The following CDH13 variants were observed in gnomAD, a reference collection of about 807,000 sequenced individuals.
CDH13 encodes cadherin-13.
CDH13 carries 24 observed loss-of-function variants against 63.8 expected under a neutral mutation model. The observed-to-expected ratio is 0.38, with a 90% CI of 0.27 to 0.53. The LOEUF (loss-of-function observed/expected upper bound fraction) is 0.53, where lower values mean the gene tolerates loss of function less well. Among genes scored for constraint, CDH13 ranks in the 20% least tolerant of loss-of-function variants. The pLI, the probability that CDH13 is intolerant of heterozygous loss-of-function variation, is 0.85. For synonymous variants in CDH13, 503 were observed against 355.3 expected (o/e 1.42, Z -4.67); for missense variants, 1,049 against 903.1 (o/e 1.16, Z -2.07).
chr16:83,671,866 G>T (rs1054439196), intron 9 of CDH13, among the ~76,000 whole-genome samples: 1 of 152,232 alleles, frequency 6.6e-6, no homozygotes, highest in Non-Finnish European at 1.5e-5. Context: ...ATTAGTGGGG[G>T]TGGTAGCACA....
At chr16:83,153,083 G>T (rs185799595) in intron 4 of CDH13, among the ~76,000 whole-genome samples, 2 of 152,178 alleles carry the variant, frequency 1.3e-5, no homozygotes, top group African/African-American at 2.4e-5. Context: ...TAGAGAAAAA[G>T]TAATTCATGC....
At chr16:83,341,066 T>A (rs2090710534) in intron 5 of CDH13, among the ~76,000 whole-genome samples, 1 of 152,190 alleles carries the variant, frequency 6.6e-6, no homozygotes, top group African/African-American at 2.4e-5. Flanking sequence ...ACAGTAGGTT[T>A]CTACCAAGTG....
chr16:83,313,274 G>A (rs538235042), intron 5 of CDH13, among the ~76,000 whole-genome samples: 1 of 152,296 alleles, frequency 6.6e-6, no homozygotes, highest in Non-Finnish European at 1.5e-5. Flanking sequence ...TTTGAAAGGT[G>A]CATTGGTGAC....
intron 2 of CDH13, among the ~76,000 whole-genome samples, chr16:82,951,709 C>T (rs1905321789): frequency 6.6e-6 from 1 of 152,148 alleles, no homozygotes; most frequent in African/African-American, 2.4e-5. Flanking sequence ...AGAGAGGGTC[C>T]ATTCATCATG....
At chr16:83,092,333 G>A (rs1419936896) in intron 3 of CDH13, among the ~76,000 whole-genome samples, 1 of 152,188 alleles carries the variant, frequency 6.6e-6, no homozygotes. Context: ...TGTCTTCCTA[G>A]CATTTGATTG....
intron 5 of CDH13, among the ~76,000 whole-genome samples, chr16:83,316,185 C>T (rs2090101113): frequency 6.6e-6 from 1 of 152,138 alleles, no homozygotes; most frequent in South Asian, 2.1e-4. Flanking sequence ...ATGGGGGAAC[C>T]ACCCCCATGA....
intron 3 of CDH13, among the ~76,000 whole-genome samples, chr16:83,069,471 C>A (rs74597847): frequency 3.3e-5 from 5 of 152,130 alleles, no homozygotes; most frequent in South Asian, 2.1e-4. Context: ...AACAGCCCCC[C>A]CTAAGGTAGA....
At chr16:83,066,552 C>G (rs937555205) in intron 3 of CDH13, among the ~76,000 whole-genome samples, 5 of 152,304 alleles carry the variant, frequency 3.3e-5, no homozygotes, top group South Asian at 2.1e-4. Context: ...ATACCAATTT[C>G]TTAATTTGCA....
intron 10 of CDH13, among the ~76,000 whole-genome samples, chr16:83,743,330 C>T (rs2150965516): frequency 6.6e-6 from 1 of 152,238 alleles, no homozygotes; most frequent in South Asian, 2.1e-4. Context: ...GAGACATTGT[C>T]CTGTAAAATC....
In CDH13 at chr16:83,670,731, T is replaced by C. The variant is rs568003957; in HGVS notation, c.1102-59T>C. On this transcript the variant is annotated intron_variant, in intron 8 of 13. Transcript: ENST00000567109. ...TGTGTAACATACCCAATGCAAAGCA[T>C]GTAGTAAATGACTATGTGTTTTCAA... is the stretch of plus-strand genomic sequence containing the variant. 1.7e-5 allele frequency: 25 copies of C among 1,451,056 alleles called. No individual in the cohort carries two copies. The African/African-American group carries it at 3.5e-4, about 20-fold the overall frequency. The allele number at this position is 1,451,056 out of a possible 1,614,324, so 89.9% of individuals were successfully genotyped here. A position where few individuals can be genotyped will look rare whatever the true frequency, so the allele number is the denominator to read the frequency against.
At chr16:83,674,457 G>A (rs1032992005) in intron 9 of CDH13, among the ~76,000 whole-genome samples, 10 of 152,210 alleles carry the variant, frequency 6.6e-5, no homozygotes, top group Non-Finnish European at 1.5e-4. Flanking sequence ...TCCTTTCTAA[G>A]GGTCCCCCGG....
chr16:82,936,253 T>C (rs1017452251), intron 2 of CDH13, among the ~76,000 whole-genome samples: 2 of 152,168 alleles, frequency 1.3e-5, no homozygotes, highest in Admixed American at 1.3e-4. Context: ...AGAAAATTAT[T>C]TGGGGTTGCT....
At chr16:83,554,774 G>T (rs2075570908) in intron 7 of CDH13, among the ~76,000 whole-genome samples, 2 of 152,026 alleles carry the variant, frequency 1.3e-5, no homozygotes, top group Non-Finnish European at 2.9e-5. Context: ...ATTGATCTTT[G>T]TAGCCAGCAA....
At chr16:83,071,932 C>A (rs915172903) in intron 3 of CDH13, among the ~76,000 whole-genome samples, 3 of 152,104 alleles carry the variant, frequency 2.0e-5, no homozygotes, top group African/African-American at 7.2e-5. Context: ...GTCATCTAAT[C>A]ATCCATCTCT....
chr16:82,767,682 C>G (rs548920451), intron 1 of CDH13, among the ~76,000 whole-genome samples: 1 of 152,294 alleles, frequency 6.6e-6, no homozygotes, highest in South Asian at 2.1e-4. Flanking sequence ...CTCTGGAGAT[C>G]AGCTCCAATC....
chr16:82,837,612 T>C (rs1006817042), intron 1 of CDH13, among the ~76,000 whole-genome samples: 1 of 152,184 alleles, frequency 6.6e-6, no homozygotes, highest in Non-Finnish European at 1.5e-5. Context: ...CCCCTCCCAA[T>C]GCAGTCACAC....
rs1213536997 is a variant in CDH13, at chr16:82,877,924, GACACACAC to G, written c.157+19481_157+19488del. Reference sequence around the variant, plus strand: ...AGGTGGAAATACATACATACACATAGACACACACACACACACACACACACACACACACA... The same window carrying G: ...AGGTGGAAATACATACATACACATAGACACACACACACACACACACACACA... On this transcript the variant is annotated intron_variant, in intron 2 of 13. Transcript: ENST00000567109. Among the ~76,000 whole-genome samples the G allele has an allele frequency of 8.4e-3, 1,083 of 129,360 alleles. 22 individuals carry two copies. Among genetic ancestry groups the G allele is most frequent in the African/African-American group, 0.029 (1,044 of 35,414 alleles). The allele number at this position is 129,360 out of a possible 152,430, so 84.9% of individuals were successfully genotyped here.
At chr16:82,635,925 G>C (rs148900888) in intron 1 of CDH13, among the ~76,000 whole-genome samples, 150 of 152,116 alleles carry the variant, frequency 9.9e-4, no homozygotes, top group Non-Finnish European at 2.0e-3. Flanking sequence ...CTTGCTGTGT[G>C]AAGACGTGCC....
chr16:83,695,012 G>A (rs1905239401), intron 10 of CDH13, among the ~76,000 whole-genome samples: 1 of 152,122 alleles, frequency 6.6e-6, no homozygotes, highest in Admixed American at 6.6e-5. Flanking sequence ...TTCGAGACCA[G>A]CCCGGCCAAC....
Sources: gnomAD v4.1 joint callset for allele counts (sites outside exome capture counted in the v4.1 genomes callset) on GRCh38, gnomAD v4.1.1 for gene constraint, MANE v1.5 for transcripts, NCBI Gene and HGNC (gene_info 2026-07-23, HGNC 2026-07-21) for gene names.